PHF3: variants seen among roughly 807,000 people sequenced by gnomAD.
PHF3 encodes PHD finger protein 3.
Under a neutral mutation model 178.4 loss-of-function variants are expected in PHF3, and 41 were observed. The observed-to-expected ratio is 0.23, with a 90% CI of 0.18 to 0.30. The LOEUF (loss-of-function observed/expected upper bound fraction) is 0.30, where lower values mean the gene tolerates loss of function less well. Among genes scored for constraint, PHF3 ranks in the 10% least tolerant of loss-of-function variants. The pLI is 1.00. For missense variants in PHF3, 2,346 were observed against 2,398.1 expected (o/e 0.98, Z 0.45); for synonymous variants, 842 against 800.5 (o/e 1.05, Z -0.88).
chr6:63,705,410 C>T (rs1046036878), intron 11 of PHF3, among the ~76,000 whole-genome samples: 3 of 152,184 alleles, frequency 2.0e-5, no homozygotes, highest in Non-Finnish European at 4.4e-5. Flanking sequence ...GAGCGGTGGA[C>T]GATACTGCCT....
intron 3 of PHF3, among the ~76,000 whole-genome samples, chr6:63,682,272 C>T (rs1766471854): frequency 6.6e-6 from 1 of 152,128 alleles, no homozygotes; most frequent in Non-Finnish European, 1.5e-5. Context: ...TGTTAAGCAT[C>T]TGTCTTCATT....
chr6:63,677,219 G>A (rs1307200008), intron 2 of PHF3, among the ~76,000 whole-genome samples: 1 of 152,170 alleles, frequency 6.6e-6, no homozygotes, highest in African/African-American at 2.4e-5. Flanking sequence ...AATCATTAGA[G>A]TATAGATGGG....
intron 5 of PHF3, among the ~76,000 whole-genome samples, chr6:63,693,351 C>A (rs773869059): frequency 3.4e-4 from 51 of 152,178 alleles, no homozygotes; most frequent in Non-Finnish European, 5.0e-4. Context: ...TGCAGTGGCT[C>A]ACACCTGTAA....
chr6:63,659,148 C>T (rs919581326), intron 2 of PHF3, among the ~76,000 whole-genome samples: 7 of 152,134 alleles, frequency 4.6e-5, no homozygotes, highest in African/African-American at 1.7e-4. Flanking sequence ...AACAATCTCT[C>T]ACCACAAAAA....
chr6:63,687,424 A>G (rs1766762238), intron 4 of PHF3, among the ~76,000 whole-genome samples: 1 of 152,226 alleles, frequency 6.6e-6, no homozygotes, highest in South Asian at 2.1e-4. Flanking sequence ...TGTCTCCATA[A>G]ATAAATGAAC....
chr6:63,694,030 A>G (rs1767122152), intron 5 of PHF3, among the ~76,000 whole-genome samples: 1 of 152,188 alleles, frequency 6.6e-6, no homozygotes, highest in Non-Finnish European at 1.5e-5. Context: ...AAACCTGAGT[A>G]TATGTCTGAC....
intron 8 of PHF3, among the ~76,000 whole-genome samples, chr6:63,700,031 C>T (rs780499811): frequency 6.6e-6 from 1 of 152,226 alleles, no homozygotes; most frequent in South Asian, 2.1e-4. Flanking sequence ...TGCAGTACCT[C>T]GCTATACTAT....
Position 63,713,117 on chromosome 6 carries a change from A to G in PHF3, c.5529A>G (p.Pro1843=), listed in dbSNP as rs749016994. ...PHLPPPLLPP[P]GFGFAQNPMV... ...TGCCACCTCCATTACTTCCCCCTCC[A>G]GGCTTTGGCTTTGCTCAAAATCCCA... Residue 1843 remains proline, a synonymous_variant, in exon 16 of 16, where the codon CCA becomes CCG. Transcript: ENST00000262043. 4 of 1,613,916 alleles carry G rather than the reference A, an allele frequency of 2.5e-6. No homozygotes were observed. In the Admixed American group the frequency reaches 5.0e-5, roughly 20 times the overall value.
chr6:63,663,879 A>G (rs1462614332), intron 2 of PHF3, among the ~76,000 whole-genome samples: 1 of 151,976 alleles, frequency 6.6e-6, no homozygotes, highest in Non-Finnish European at 1.5e-5. Flanking sequence ...TATTGATTCC[A>G]CTCAATAAAA....
intron 10 of PHF3, 63 bp downstream of exon 10, chr6:63,702,702 C>G (rs1278894914): frequency 3.4e-6 from 5 of 1,468,864 alleles, no homozygotes; most frequent in Non-Finnish European, 4.6e-6. Flanking sequence ...GGTTTATTTG[C>G]CTAATGTTTT....
intron 2 of PHF3, among the ~76,000 whole-genome samples, chr6:63,673,408 C>T (rs1766008329): frequency 6.6e-6 from 1 of 152,006 alleles, no homozygotes; most frequent in Admixed American, 6.6e-5. Context: ...TCAGGATAAC[C>T]ATAGGAGAAA....
chr6:63,644,732 G>T (rs985794468), intron 1 of PHF3, among the ~76,000 whole-genome samples: 1 of 151,902 alleles, frequency 6.6e-6, no homozygotes, highest in Non-Finnish European at 1.5e-5. Context: ...AAAAATTGAG[G>T]TATAATAAAT....
At chr6:63,656,182 C>CT (rs1469712253) in intron 2 of PHF3, among the ~76,000 whole-genome samples, 3 of 152,232 alleles carry the variant, frequency 2.0e-5, no homozygotes, top group African/African-American at 7.2e-5. Context: ...TGTGGCTTTT[C>CT]TGTTTTAGTT....
chr6:63,706,061 C>T lies in PHF3; in HGVS notation c.3400C>T (p.Pro1134Ser), dbSNP rs767667114. The change falls in exon 12 of 16, where the codon CCA becomes TCA. Residue 1134 changes from proline (P) to serine (S), a missense_variant. Physicochemically the swap from Pro to Ser is moderately conservative, Grantham distance 74. This residue lies in a region of PHF3 where 205 missense variants were observed against 212.4 expected (regional missense o/e 0.97). Transcript: ENST00000262043. The stretch of plus-strand genomic sequence containing the variant: ...GGCACCACCTGTAGATGATCTTTCT[C>T]CAAAAAAAGTAAAAGTTGTTGTAGG... ...RMAPPVDDLS[P>S]KKVKVVVGVA... 1 of 1,613,240 alleles carries T rather than the reference C, an allele frequency of 6.2e-7. No individual in the cohort carries two copies. The highest frequency in any genetic ancestry group is 8.5e-7 in the Non-Finnish European group (1 of 1,179,696).
In PHF3 at chr6:63,685,144, G is replaced by T; in HGVS notation, c.1422G>T (p.Gln474His). ...TANLQDDRNS[Q>H]SSSVSYLESK... ...ACCTTCAGGATGACAGAAACAGCCA[G>T]TCAAGTAGCGTTTCTTACTTAGAGT... Residue 474 changes from glutamine (Q) to histidine (H), a missense_variant, in exon 4 of 16, where the codon CAG (glutamine) becomes CAT (histidine). By Grantham distance (24) the Gln-to-His change is conservative (BLOSUM62 0). Coordinates refer to ENST00000262043, the MANE Select transcript of PHF3 (RefSeq NM_001370348.2). 1 of 1,614,020 alleles carries T rather than the reference G, an allele frequency of 6.2e-7. No homozygotes were observed. The highest frequency in any genetic ancestry group is 8.5e-7 in the Non-Finnish European group (1 of 1,179,994).
chr6:63,656,054 A>G (rs563307740), intron 2 of PHF3, among the ~76,000 whole-genome samples: 1 of 152,388 alleles, frequency 6.6e-6, no homozygotes, highest in South Asian at 2.1e-4. Flanking sequence ...GAGTTAAAAC[A>G]TACACATCTT....
intron 1 of PHF3, among the ~76,000 whole-genome samples, chr6:63,642,154 T>C (rs1187826942): frequency 2.0e-5 from 3 of 152,212 alleles, no homozygotes; most frequent in African/African-American, 7.2e-5. Context: ...TTATTTTTAG[T>C]TGTATTCTGA....
rs1268802053 is a variant in PHF3, at chr6:63,636,107, T to C, written c.-69T>C. On this transcript the variant is annotated 5_prime_UTR_variant, in exon 1 of 16. Coordinates refer to ENST00000262043, the MANE Select transcript of PHF3 (RefSeq NM_001370348.2). ...TCTTCGGCGGCGGCAGCGTCCACCA[T>C]CTTCCTCTTGCTGCCAGTGGTAGCG... 1.3e-5 allele frequency: 5 copies of C among 392,012 alleles called. No homozygotes were observed. Among genetic ancestry groups the C allele is most frequent in the African/African-American group, 6.2e-5 (3 of 48,430 alleles). The allele number at this position is 392,012 out of a possible 1,614,324, so 24.3% of individuals were successfully genotyped here.
intron 1 of PHF3, among the ~76,000 whole-genome samples, chr6:63,644,423 G>T (rs958499235): frequency 6.6e-6 from 1 of 152,054 alleles, no homozygotes; most frequent in Admixed American, 6.6e-5. Context: ...CATATTGGGC[G>T]TAAGTATTGG....
Sources: gnomAD v4.1 joint callset for allele counts (sites outside exome capture counted in the v4.1 genomes callset) on GRCh38, gnomAD v4.1.1 for gene constraint, gnomAD v4.1.1 regional missense constraint, MANE v1.5 for transcripts, NCBI Gene and HGNC (gene_info 2026-07-23, HGNC 2026-07-21) for gene names.